The following ZNF385D variants were observed in gnomAD, a reference collection of about 807,000 sequenced individuals.
ZNF385D encodes the protein zinc finger protein 659.
Under a neutral mutation model 35.8 loss-of-function variants are expected in ZNF385D, and 15 were observed. The ratio of observed to expected loss-of-function variants is 0.42; its 90% CI spans 0.28 to 0.64. The LOEUF (loss-of-function observed/expected upper bound fraction) is 0.64, where lower values mean the gene tolerates loss of function less well. Ranked by LOEUF, ZNF385D falls within the 30% of genes least tolerant of loss-of-function variation. The pLI is 0.23. For synonymous variants in ZNF385D, 212 were observed against 186.8 expected, an observed-to-expected ratio of 1.13 and a Z score of -1.10; for missense variants, 474 against 494.6, an observed-to-expected ratio of 0.96 and a Z score of 0.39.
At chr3:22,120,798 C>G (rs1703052766) in intron 3 of ZNF385D, among the ~76,000 whole-genome samples, 1 of 152,058 alleles carries the variant, frequency 6.6e-6, no homozygotes, top group Admixed American at 6.6e-5. Flanking sequence ...TTCCTAATTA[C>G]CGTTTATAAC....
intron 3 of ZNF385D, among the ~76,000 whole-genome samples, chr3:22,009,663 A>C (rs568699143): frequency 3.9e-5 from 6 of 152,044 alleles, no homozygotes; most frequent in African/African-American, 1.4e-4. Context: ...ATGAGAAATC[A>C]AGGTGCAGAA....
intron 2 of ZNF385D, among the ~76,000 whole-genome samples, chr3:22,353,255 C>T (rs924789524): frequency 2.6e-5 from 4 of 152,150 alleles, no homozygotes; most frequent in African/African-American, 4.8e-5. Context: ...GCCATTCACT[C>T]ATCTGTGCCA....
At chr3:21,845,902 C>A (rs1229020086) in intron 3 of ZNF385D, among the ~76,000 whole-genome samples, 1 of 151,782 alleles carries the variant, frequency 6.6e-6, no homozygotes, top group Non-Finnish European at 1.5e-5. Context: ...AAAGAGGCTC[C>A]CAGAGCAAAA....
chr3:21,910,838 A>C, intron 3 of ZNF385D, among the ~76,000 whole-genome samples: 1 of 151,896 alleles, frequency 6.6e-6, no homozygotes, highest in East Asian at 1.9e-4. Flanking sequence ...GTGACTCATA[A>C]TTTCAAAATG....
intron 3 of ZNF385D, among the ~76,000 whole-genome samples, chr3:21,936,475 C>T (rs1394414629): frequency 1.3e-5 from 2 of 151,976 alleles, no homozygotes; most frequent in Non-Finnish European, 2.9e-5. Context: ...GTTACTAGCC[C>T]TACTCTGTGA....
chr3:21,536,254 A>G (rs753338384), intron 3 of ZNF385D, among the ~76,000 whole-genome samples: 13 of 152,158 alleles, frequency 8.5e-5, no homozygotes, highest in Non-Finnish European at 1.8e-4. Context: ...GTGCTAAGAT[A>G]GTAAGAAAAG....
intron 1 of ZNF385D, among the ~76,000 whole-genome samples, chr3:21,708,356 G>C (rs908838226): frequency 3.3e-5 from 5 of 152,178 alleles, no homozygotes; most frequent in Non-Finnish European, 7.3e-5. Flanking sequence ...CTCTCAGCTA[G>C]AGTAAAGTAA....
At chr3:22,032,650 TA>T (rs2125484421) in intron 3 of ZNF385D, among the ~76,000 whole-genome samples, 1 of 152,224 alleles carries the variant, frequency 6.6e-6, no homozygotes, top group Admixed American at 6.5e-5. Context: ...TCTGGCAAAT[TA>T]AACTACACAC....
chr3:21,845,370 G>A (rs1169330323), intron 3 of ZNF385D, among the ~76,000 whole-genome samples: 2 of 152,002 alleles, frequency 1.3e-5, no homozygotes, highest in African/African-American at 2.4e-5. Context: ...AAAGCACGAA[G>A]TACACAGTAG....
intron 3 of ZNF385D, among the ~76,000 whole-genome samples, chr3:21,893,165 C>A (rs1197939710): frequency 6.6e-6 from 1 of 152,038 alleles, no homozygotes; most frequent in East Asian, 1.9e-4. Context: ...GGTGAGAATT[C>A]CAGGTATTGT....
intron 4 of ZNF385D, among the ~76,000 whole-genome samples, chr3:21,498,932 C>A (rs1329576560): frequency 4.9e-5 from 5 of 102,112 alleles, no homozygotes; most frequent in Non-Finnish European, 7.0e-5. Context: ...GATGACAGAG[C>A]AAGACTCCAT....
intron 3 of ZNF385D, among the ~76,000 whole-genome samples, chr3:22,099,503 T>C (rs182384085): frequency 5.8e-4 from 88 of 152,204 alleles, no homozygotes; most frequent in African/African-American, 2.1e-3. Context: ...GAAACAAGGA[T>C]AACTAGATTT....
At chr3:21,936,500 A>G (rs1701265260) in intron 3 of ZNF385D, among the ~76,000 whole-genome samples, 1 of 152,008 alleles carries the variant, frequency 6.6e-6, no homozygotes, top group Non-Finnish European at 1.5e-5. Flanking sequence ...AACAATTTAA[A>G]TTGGTGTCTT....
At chr3:22,128,869 T>C (rs1338237528) in intron 3 of ZNF385D, among the ~76,000 whole-genome samples, 2 of 152,222 alleles carry the variant, frequency 1.3e-5, no homozygotes, top group Non-Finnish European at 2.9e-5. Flanking sequence ...TCACATTTCT[T>C]GTCACTCTGA....
intron 2 of ZNF385D, among the ~76,000 whole-genome samples, chr3:22,204,126 C>A (rs917770711): frequency 6.6e-6 from 1 of 152,030 alleles, no homozygotes; most frequent in Non-Finnish European, 1.5e-5. Context: ...CAGCTCCAGA[C>A]AGCTCAGCAG....
chr3:21,421,976 C>G (rs765582902), intron 7 of ZNF385D, among the ~76,000 whole-genome samples: 3 of 152,120 alleles, frequency 2.0e-5, no homozygotes, highest in African/African-American at 4.8e-5. Flanking sequence ...ACCAAAAATA[C>G]CTTTTCTCCC....
chr3:22,366,449 A>G (rs1469449952), intron 2 of ZNF385D, among the ~76,000 whole-genome samples: 1 of 152,190 alleles, frequency 6.6e-6, no homozygotes, highest in Admixed American at 6.5e-5. Context: ...AGAGCAGAAA[A>G]TAATTGATTG....
chr3:22,282,125 G>A lies in ZNF385D; in HGVS notation c.106+90325C>T, dbSNP rs1250489351. Among the ~76,000 whole-genome samples the A allele has an allele frequency of 4.0e-5, 6 of 151,814 alleles. No individual in the cohort carries two copies. The East Asian group carries it at 1.2e-3, about 29-fold the overall frequency. On this transcript the variant is annotated intron_variant, in intron 2 of 5. Coordinates refer to the ZNF385D transcript ENST00000494108. ...TTTCATTTCTTATTGAGCTTATTTG[G>A]ATCTTCCCTCCTCTTTTCTTGGTTA...
intron 2 of ZNF385D, among the ~76,000 whole-genome samples, chr3:22,304,946 T>C (rs930816310): frequency 1.3e-5 from 2 of 152,146 alleles, no homozygotes; most frequent in Admixed American, 1.3e-4. Context: ...AAGCATTAAG[T>C]GCTTAGTACA....
Sources: gnomAD v4.1 joint callset for allele counts (sites outside exome capture counted in the v4.1 genomes callset) on GRCh38, gnomAD v4.1.1 for gene constraint, MANE v1.5 for transcripts, NCBI Gene and HGNC (gene_info 2026-07-23, HGNC 2026-07-21) for gene names.